Variants in PAPPA observed in about 807,000 individuals in gnomAD.
PAPPA encodes pappalysin 1.
PAPPA carries 60 observed loss-of-function variants against 164.0 expected under a neutral mutation model. The ratio of observed to expected loss-of-function variants is 0.37; its 90% confidence interval spans 0.30 to 0.45. PAPPA has a LOEUF of 0.45. PAPPA is among the 20% of genes least tolerant of loss of function. The pLI, the probability that PAPPA is intolerant of heterozygous loss-of-function variation, is 1.00. For synonymous variants in PAPPA, 875 were observed against 814.1 expected (o/e 1.07, Z -1.27); for missense variants, 1,782 against 2,087.3 (o/e 0.85, Z 2.85).
chr9:116,177,618 C>A (rs1193307160), intron 1 of PAPPA, among the ~76,000 whole-genome samples: 1 of 152,206 alleles, frequency 6.6e-6, no homozygotes, highest in Non-Finnish European at 1.5e-5. Flanking sequence ...GGTATGACAG[C>A]AGGATGCACT....
intron 13 of PAPPA, among the ~76,000 whole-genome samples, chr9:116,340,977 C>A (rs1406197417): frequency 6.6e-6 from 1 of 151,832 alleles, no homozygotes; most frequent in Non-Finnish European, 1.5e-5. Flanking sequence ...AGAAGCATTT[C>A]TCTCGCTCTT....
At chr9:116,326,985 G>C (rs1274308200) in intron 10 of PAPPA, among the ~76,000 whole-genome samples, 1 of 152,094 alleles carries the variant, frequency 6.6e-6, no homozygotes, top group African/African-American at 2.4e-5. Context: ...TTCTTCTGTT[G>C]ATGGACATGT....
chr9:116,281,576 G>A (rs1046946711), intron 9 of PAPPA, among the ~76,000 whole-genome samples: 23 of 152,066 alleles, frequency 1.5e-4, no homozygotes, highest in Admixed American at 1.4e-3. Flanking sequence ...CAGCATCCAG[G>A]ATCCTCCCCT....
chr9:116,201,061 TC>T (rs1379876049), intron 2 of PAPPA, among the ~76,000 whole-genome samples: 1 of 152,210 alleles, frequency 6.6e-6, no homozygotes, highest in East Asian at 1.9e-4. Flanking sequence ...TTTCTGTGTC[TC>T]TTTTTATAGA....
chr9:116,365,245 C>G (rs1039307421), intron 18 of PAPPA, among the ~76,000 whole-genome samples: 1 of 152,152 alleles, frequency 6.6e-6, no homozygotes, highest in South Asian at 2.1e-4. Flanking sequence ...CCAGCTCCCC[C>G]TGCGTGCCTC....
chr9:116,284,036 C>T (rs561937807), intron 9 of PAPPA, among the ~76,000 whole-genome samples: 41 of 152,280 alleles, frequency 2.7e-4, no homozygotes, highest in African/African-American at 9.9e-4. Flanking sequence ...AATTTATAAA[C>T]TTATTCATTC....
intron 9 of PAPPA, among the ~76,000 whole-genome samples, chr9:116,284,962 TC>T (rs752212365): frequency 6.6e-6 from 1 of 152,024 alleles, no homozygotes; most frequent in East Asian, 1.9e-4. Flanking sequence ...CTTGCCCCAA[TC>T]TACCTGCCCA....
At chr9:116,230,322 A>G (rs559634440) in intron 6 of PAPPA, among the ~76,000 whole-genome samples, 2 of 152,314 alleles carry the variant, frequency 1.3e-5, no homozygotes, top group East Asian at 3.9e-4. Context: ...TTATCTTCAC[A>G]TGTTTAAGTT....
rs549891804 is a variant in PAPPA, at chr9:116,187,539, G to A, written c.801G>A (p.Glu267=). ...SLWKVARTQR[E]ILSDMETHGA... is the part of the protein sequence containing the mutation. ...GGAAGGTGGCCAGGACTCAGCGGGAGATACTGTCTGACATGGAAACCCATG... is the reference window on the plus strand; with the variant it reads ...GGAAGGTGGCCAGGACTCAGCGGGAAATACTGTCTGACATGGAAACCCATG... Residue 267 remains glutamate (E), a synonymous_variant, in exon 2 of 22, where the codon GAG becomes GAA. Transcript: ENST00000328252. The surrounding 1 kb of genome is among the most constrained non-coding windows in gnomAD (Gnocchi z 4.2). 1.9e-6 allele frequency: 3 copies of A among 1,614,214 alleles called. No individual in the cohort carries two copies. The highest frequency in any genetic ancestry group is 2.2e-5 in the South Asian group (2 of 91,088).
Position 116,302,963 on chromosome 9 carries a change from C to A in PAPPA, c.3147+13C>A. ...AGCAGCATCCCAGGTAAGATCCTAA[C>A]CATGTGTGGCATTTCCTGCAGACAT... On this transcript the variant is annotated intron_variant, in intron 10 of 21. Coordinates refer to ENST00000328252, the MANE Select transcript of PAPPA (RefSeq NM_002581.5). 1 of 1,609,810 alleles carries A rather than the reference C, an allele frequency of 6.2e-7. No homozygotes were observed. The highest frequency in any genetic ancestry group is 8.5e-7 in the Non-Finnish European group (1 of 1,177,490).
intron 19 of PAPPA, among the ~76,000 whole-genome samples, chr9:116,371,200 T>C (rs1351208768): frequency 6.6e-6 from 1 of 150,440 alleles, no homozygotes; most frequent in Admixed American, 6.6e-5. Flanking sequence ...GTGAATCACC[T>C]GAGGTCAGGA....
intron 6 of PAPPA, 70 bp downstream of exon 6, chr9:116,227,622 G>A: frequency 1.3e-6 from 2 of 1,518,904 alleles, no homozygotes; most frequent in East Asian, 2.3e-5. Flanking sequence ...ATGTATATGG[G>A]GTTTTATTAT....
intron 17 of PAPPA, among the ~76,000 whole-genome samples, chr9:116,354,928 C>T (rs1204727134): frequency 2.6e-5 from 4 of 151,438 alleles, no homozygotes; most frequent in Admixed American, 6.6e-5. Context: ...GATGGATTTT[C>T]CCCCCACACC....
chr9:116,367,386 C>T (rs73516145), intron 18 of PAPPA, among the ~76,000 whole-genome samples: 6,216 of 152,188 alleles, frequency 0.041, 385 homozygotes, highest in African/African-American at 0.13. Flanking sequence ...GGTGTTTGAG[C>T]AGAGGAGGAG....
chr9:116,372,440 G>T (rs1846587781), intron 19 of PAPPA, among the ~76,000 whole-genome samples: 1 of 152,058 alleles, frequency 6.6e-6, no homozygotes. Flanking sequence ...ACACTTGTAT[G>T]CCAAACAAAA....
In PAPPA at chr9:116,398,424, C is replaced by T. The variant is rs1564256967; in HGVS notation, c.*1808C>T. 1 of 405,642 alleles carries T rather than the reference C, an allele frequency of 2.5e-6. No individual in the cohort carries two copies. Among genetic ancestry groups the T allele is most frequent in the Non-Finnish European group, 4.3e-6 (1 of 229,948 alleles). The allele number at this position is 405,642 out of a possible 1,614,324, so 25.1% of individuals were successfully genotyped here. On this transcript the variant is annotated 3_prime_UTR_variant, in exon 22 of 22. Transcript: ENST00000328252. ...GGATAGAAAATACCATGCACGTGTG[C>T]AGCCCCACCTAATTCCTGCATCCAA...
At chr9:116,346,914 G>T in intron 14 of PAPPA, 112 bp from the exon 15 acceptor site, 1 of 710,974 alleles carries the variant, frequency 1.4e-6, no homozygotes, top group Non-Finnish European at 2.3e-6. Flanking sequence ...ACTAAGCATT[G>T]GTCTCCTAGT....
chr9:116,373,527 A>G (rs1423668709), intron 19 of PAPPA: 4 of 152,070 alleles, frequency 2.6e-5, no homozygotes, highest in African/African-American at 9.7e-5. Context: ...GACATCCAGG[A>G]GGGGTGTCAG....
At chr9:116,350,809 G>A (rs1352613814) in intron 15 of PAPPA, among the ~76,000 whole-genome samples, 2 of 152,160 alleles carry the variant, frequency 1.3e-5, no homozygotes, top group African/African-American at 2.4e-5. Flanking sequence ...TATTCTGGAC[G>A]CTTCTATGCT....
Sources: allele counts gnomAD v4.1 joint callset (sites outside exome capture counted in the v4.1 genomes callset), GRCh38; gene constraint gnomAD v4.1.1; non-coding constraint Gnocchi (gnomAD v3.1); transcripts MANE v1.5; gene names NCBI Gene and HGNC (gene_info 2026-07-23, HGNC 2026-07-21).